ATAD1: variants seen among roughly 807,000 people sequenced by gnomAD.
ATAD1 encodes ATPase family AAA domain containing 1, also known as outer mitochondrial transmembrane helix translocase.
A neutral mutation model predicts 42.7 loss-of-function variants in ATAD1; 18 were observed. The observed-to-expected ratio is 0.42, with a 90% CI of 0.29 to 0.63. The LOEUF is 0.63. ATAD1 is among the 20% of genes least tolerant of loss of function. The probability of loss-of-function intolerance (pLI) is 0.19; values close to 1 mark genes in which losing one functional copy is unlikely to be tolerated. For missense variants in ATAD1, 294 were observed against 440.4 expected (o/e 0.67, Z 2.98); for synonymous variants, 132 against 143.1 (o/e 0.92, Z 0.55).
rs1854093835 is a variant in ATAD1 at position 87,753,415 on chromosome 10, T to C, written c.*1272A>G. The stretch of plus-strand genomic sequence containing the variant: ...AAGAAATACAGTAAAAGCAAAAACA[T>C]ATGAAGCATAATTTAATCTGATGAT... On this transcript the variant is annotated 3_prime_UTR_variant, in exon 10 of 10. Transcript: ENST00000680024. The C allele has an allele frequency of 6.6e-6, 1 of 152,166 alleles. No individual in the cohort carries two copies. The highest frequency in any genetic ancestry group is 6.5e-5 in the Admixed American group (1 of 15,284). The allele number at this position is 152,166 out of a possible 1,614,324, so 9.4% of individuals were successfully genotyped here. A position where few individuals can be genotyped will look rare whatever the true frequency, so the allele number is the denominator to read the frequency against.
chr10:87,763,423 C>G (rs1490111327), intron 8 of ATAD1, among the ~76,000 whole-genome samples: 2 of 152,100 alleles, frequency 1.3e-5, no homozygotes, highest in African/African-American at 4.8e-5. Flanking sequence ...CTTTGGGAGT[C>G]CAGGGCAGGA....
chr10:87,771,154 G>T, intron 6 of ATAD1, 113 bp from the exon 7 acceptor site: 2 of 672,786 alleles, frequency 3.0e-6, no homozygotes, highest in Non-Finnish European at 4.8e-6. Context: ...TAAATCCTTT[G>T]TAAGAAATCT....
intron 2 of ATAD1, among the ~76,000 whole-genome samples, chr10:87,803,123 ATTTGTTT>A (rs1236501455): frequency 6.6e-5 from 10 of 152,144 alleles, no homozygotes; most frequent in South Asian, 6.2e-4. Context: ...ATTTTCCAGG[ATTTGTTT>A]TTTGTTTTTT....
chr10:87,765,180 GT>G (rs1854681396), intron 8 of ATAD1, among the ~76,000 whole-genome samples: 1 of 152,050 alleles, frequency 6.6e-6, no homozygotes, highest in Non-Finnish European at 1.5e-5. Context: ...TAGCCATGGG[GT>G]TTCTGGTAGT....
At chr10:87,802,961 A>T (rs1442128657) in intron 2 of ATAD1, among the ~76,000 whole-genome samples, 1 of 152,114 alleles carries the variant, frequency 6.6e-6, no homozygotes, top group Non-Finnish European at 1.5e-5. Context: ...ATTTGGAGTC[A>T]CTGAAAACTA....
intron 2 of ATAD1, among the ~76,000 whole-genome samples, chr10:87,797,634 T>TG (rs1856461163): frequency 6.6e-6 from 1 of 152,190 alleles, no homozygotes; most frequent in Non-Finnish European, 1.5e-5. Flanking sequence ...TTGTTTGGCT[T>TG]GGGGGTACCA....
At chr10:87,818,227 A>T (rs1857526102), upstream of ATAD1, 1 of 985,382 alleles carries the variant, frequency 1.0e-6, no homozygotes, top group Admixed American at 6.1e-5. Flanking sequence ...AAGGAAACGC[A>T]ACCTGGGAGA....
upstream of ATAD1, chr10:87,819,384 C>T (rs1857581291): frequency 1.3e-5 from 2 of 150,374 alleles, no homozygotes; most frequent in South Asian, 4.3e-4. Context: ...CGTGGGAGAT[C>T]ACGGCTGCAG....
upstream of ATAD1, among the ~76,000 whole-genome samples, chr10:87,823,091 TA>T (rs879637993): frequency 0.021 from 2,790 of 135,746 alleles, 60 homozygotes; most frequent in African/African-American, 0.06. Context: ...AGAAGAGAAC[TA>T]AAAAAAAAAA....
intron 1 of ATAD1, among the ~76,000 whole-genome samples, chr10:87,834,551 T>C (rs1258627764): frequency 1.3e-5 from 2 of 152,204 alleles, no homozygotes; most frequent in South Asian, 4.1e-4. Flanking sequence ...ACATAGGTTG[T>C]CATATTTATG....
At chr10:87,755,513 GCTTTGAGGCAGCAAAAAAATAGAT>G (rs1476888470) in intron 9 of ATAD1, among the ~76,000 whole-genome samples, 1 of 152,100 alleles carries the variant, frequency 6.6e-6, no homozygotes, top group Non-Finnish European at 1.5e-5. Context: ...AGTTTTCAGG[GCTTTGAGGCAGCAAAAAAATAGAT>G]CTTTCATTAT....
rs1268929189 is a variant in ATAD1 at position 87,785,777 on chromosome 10, A to C, written c.383-1107T>G. On this transcript the variant is annotated intron_variant, in intron 4 of 9. Coordinates refer to ENST00000680024, the MANE Select transcript of ATAD1 (RefSeq NM_001321967.2). ...CTGATTCCATAACTCTAGCAATTTTATTTTTCACATCAAACACTTCAAAAT... is the reference window on the plus strand; with the variant it reads ...CTGATTCCATAACTCTAGCAATTTTCTTTTTCACATCAAACACTTCAAAAT... Among the ~76,000 whole-genome samples the C allele has an allele frequency of 3.3e-5, 5 of 151,992 alleles. No individual in the cohort carries two copies. In the East Asian group the frequency reaches 7.7e-4, roughly 23 times the overall value.
intron 5 of ATAD1, among the ~76,000 whole-genome samples, chr10:87,779,557 C>T (rs1855472318): frequency 6.6e-6 from 1 of 152,124 alleles, no homozygotes; most frequent in Non-Finnish European, 1.5e-5. Flanking sequence ...GCCTGATTTG[C>T]TCATTGCATA....
At chr10:87,760,552 G>C (rs1003347587) in intron 8 of ATAD1, among the ~76,000 whole-genome samples, 1 of 152,126 alleles carries the variant, frequency 6.6e-6, no homozygotes, top group African/African-American at 2.4e-5. Context: ...AGCGGTTTGA[G>C]AACGGGCTAA....
intron 1 of ATAD1, chr10:87,833,117 C>T (rs1857864262): frequency 6.6e-6 from 1 of 152,158 alleles, no homozygotes; most frequent in Non-Finnish European, 1.5e-5. Flanking sequence ...TAGTATATCT[C>T]TCCATTATTT....
At chr10:87,819,684 T>C (rs894874880), upstream of ATAD1, among the ~76,000 whole-genome samples, 7 of 152,202 alleles carry the variant, frequency 4.6e-5, no homozygotes, top group Non-Finnish European at 8.8e-5. Flanking sequence ...TTTTCTAAGT[T>C]CATATACTTG....
At chr10:87,824,629 A>G (rs571063981) in intron 1 of ATAD1, among the ~76,000 whole-genome samples, 1 of 152,198 alleles carries the variant, frequency 6.6e-6, no homozygotes, top group South Asian at 2.1e-4. Context: ...TGTTATTTTC[A>G]TTATACGATG....
chr10:87,798,176 G>T (rs1035698232), intron 2 of ATAD1, among the ~76,000 whole-genome samples: 41 of 152,118 alleles, frequency 2.7e-4, no homozygotes, highest in African/African-American at 7.7e-4. Context: ...ATGTAAGAGG[G>T]CAGAAACAAC....
chr10:87,826,946 G>A (rs1314996222), intron 1 of ATAD1, among the ~76,000 whole-genome samples: 2 of 152,160 alleles, frequency 1.3e-5, no homozygotes, highest in East Asian at 3.9e-4. Context: ...TCTCTCTAGT[G>A]TTACCCCATT....
Sources: gnomAD v4.1 joint callset for allele counts (sites outside exome capture counted in the v4.1 genomes callset) on GRCh38, gnomAD v4.1.1 for gene constraint, MANE v1.5 for transcripts, NCBI Gene and HGNC (gene_info 2026-07-23, HGNC 2026-07-21) for gene names.